PGBD2: variants seen among roughly 807,000 people sequenced by gnomAD.
The protein encoded by PGBD2 is piggyBac transposable element derived 2, also known as piggyBac transposable element-derived protein 2.
A neutral mutation model predicts 8.1 loss-of-function variants in PGBD2; 6 were observed. The observed-to-expected ratio is 0.74, with a 90% confidence interval of 0.40 to 1.46. The LOEUF is 1.46. PGBD2 is among the 40% of genes most tolerant of loss of function. The pLI, the probability that PGBD2 is intolerant of heterozygous loss-of-function variation, is 0.02. For synonymous variants in PGBD2, 318 were observed against 272.2 expected, an observed-to-expected ratio of 1.17 and a Z score of -1.66; for missense variants, 802 against 739.0, an observed-to-expected ratio of 1.09 and a Z score of -0.99.
intron 1 of PGBD2, among the ~76,000 whole-genome samples, chr1:248,907,501 A>C (rs115932493): frequency 5.1e-4 from 78 of 152,284 alleles, no homozygotes; most frequent in Non-Finnish European, 7.6e-4. Flanking sequence ...GGGGGACGGT[A>C]AGGTCTTTCT....
At chr1:248,911,104 G>A (rs1661854264) in intron 1 of PGBD2, among the ~76,000 whole-genome samples, 1 of 150,960 alleles carries the variant, frequency 6.6e-6, no homozygotes, top group South Asian at 2.1e-4. Flanking sequence ...ATTTTCTAGG[G>A]TTTTCTTTTC....
intron 1 of PGBD2, among the ~76,000 whole-genome samples, chr1:248,910,961 C>G (rs1661849856): frequency 6.6e-6 from 1 of 152,098 alleles, no homozygotes; most frequent in Non-Finnish European, 1.5e-5. Flanking sequence ...ACCACCACAA[C>G]CAAGATCCTG....
downstream of PGBD2, among the ~76,000 whole-genome samples, chr1:248,922,756 C>T (rs111634796): frequency 3.8e-3 from 582 of 152,218 alleles, 1 homozygote; most frequent in African/African-American, 0.013. Context: ...TGGTGGATTA[C>T]GTTTATTGAT....
In PGBD2 at chr1:248,917,772, T is replaced by G. The variant is rs753193826; in HGVS notation, c.1188T>G (p.Gly396=). 1 of 1,613,770 alleles carries G rather than the reference T, an allele frequency of 6.2e-7. No individual in the cohort carries two copies. The highest frequency in any genetic ancestry group is 8.5e-7 in the Non-Finnish European group (1 of 1,179,988). Residue 396 remains glycine (G), a synonymous_variant, in exon 3 of 3, where the codon GGT becomes GGG. Transcript: ENST00000329291. ...AAGAACTGAAAAAAATGAAGAGGGGTTCATTTGATTACAAAGTCGATGAGA... is the reference window on the plus strand; with the variant it reads ...AAGAACTGAAAAAAATGAAGAGGGGGTCATTTGATTACAAAGTCGATGAGA... ...DPKELKKMKR[G]SFDYKVDESE...
the PGBD2 span, among the ~76,000 whole-genome samples, chr1:248,878,998 C>T: frequency 1.3e-5 from 2 of 152,128 alleles, no homozygotes; most frequent in South Asian, 4.1e-4. Context: ...CATATTTCTC[C>T]AGGTTAGTTT....
chr1:248,888,842 G>A, the PGBD2 span, among the ~76,000 whole-genome samples: 1 of 151,972 alleles, frequency 6.6e-6, no homozygotes, highest in Non-Finnish European at 1.5e-5. Context: ...GTATTTCCTA[G>A]GTTTTCTTCT....
the PGBD2 span, among the ~76,000 whole-genome samples, chr1:248,894,998 T>C: frequency 6.6e-6 from 1 of 152,084 alleles, no homozygotes; most frequent in African/African-American, 2.4e-5. Flanking sequence ...AGAGATGGGA[T>C]CTTGCTATGT....
chr1:248,873,331 C>T, the PGBD2 span, among the ~76,000 whole-genome samples: 1 of 152,238 alleles, frequency 6.6e-6, no homozygotes, highest in Non-Finnish European at 1.5e-5. Context: ...ACCTCCCGAT[C>T]CGGCCGTTAT....
chr1:248,913,998 G>T (rs1662004532), intron 2 of PGBD2, 119 bp downstream of exon 2: 1 of 881,554 alleles, frequency 1.1e-6, no homozygotes, highest in Non-Finnish European at 1.9e-6. Context: ...TGTCCAGGAA[G>T]TATAAAGGAA....
the PGBD2 span, among the ~76,000 whole-genome samples, chr1:248,874,296 C>G: frequency 7.9e-5 from 12 of 152,238 alleles, no homozygotes; most frequent in South Asian, 8.3e-4. Context: ...CGCCGCGGCC[C>G]GGGTTCGATT....
At position 248,913,796 on chromosome 1, in the gene PGBD2, T is replaced by G. The variant is rs191344375; in HGVS notation, c.-47-20T>G. ...CTTAAGATACAATTTTTTTTTAAAT[T>G]GACTTTTCTTGTCTTACAGGTTCTT... On this transcript the variant is annotated intron_variant, in intron 1 of 2. Transcript: ENST00000329291. 2.0e-4 allele frequency: 258 copies of G among 1,313,702 alleles called. 1 individual carries two copies. In the East Asian group the frequency reaches 5.1e-3, roughly 26 times the overall value. 81.4% of individuals were successfully genotyped at this position (1,313,702 alleles called of 1,614,324 possible).
the PGBD2 span, among the ~76,000 whole-genome samples, chr1:248,895,182 A>G: frequency 1.3e-5 from 2 of 152,162 alleles, no homozygotes; most frequent in Admixed American, 1.3e-4. Flanking sequence ...TCAACCAACA[A>G]CAGGCCAATG....
chr1:248,903,070 C>T (rs1661562004), upstream of PGBD2, among the ~76,000 whole-genome samples: 1 of 152,102 alleles, frequency 6.6e-6, no homozygotes, highest in Non-Finnish European at 1.5e-5. Context: ...CCTATATTGC[C>T]CAGGCTGGTC....
chr1:248,887,152 C>T, the PGBD2 span, among the ~76,000 whole-genome samples: 1 of 152,128 alleles, frequency 6.6e-6, no homozygotes, highest in East Asian at 1.9e-4. Flanking sequence ...TATCCTAAGG[C>T]TAACATTTTA....
intron 1 of PGBD2, among the ~76,000 whole-genome samples, chr1:248,912,527 C>G (rs1276604228): frequency 6.6e-6 from 1 of 152,196 alleles, no homozygotes; most frequent in East Asian, 1.9e-4. Flanking sequence ...AAACAGTACT[C>G]TGCACTTAAG....
chr1:248,907,958 T>C (rs1661720991), intron 1 of PGBD2, among the ~76,000 whole-genome samples: 2 of 152,228 alleles, frequency 1.3e-5, no homozygotes, highest in African/African-American at 4.8e-5. Flanking sequence ...AAAATGTCTT[T>C]TGAATAATTT....
chr1:248,925,392 T>C, the PGBD2 span, among the ~76,000 whole-genome samples: 1,638 of 152,326 alleles, frequency 0.011, 39 homozygotes, highest in African/African-American at 0.038. Flanking sequence ...AACCCACATG[T>C]AATGCTATTG....
At chr1:248,880,206 A>G in the PGBD2 span, among the ~76,000 whole-genome samples, 2 of 151,350 alleles carry the variant, frequency 1.3e-5, no homozygotes, top group South Asian at 2.1e-4. Context: ...AGAAGACCTG[A>G]TTGACCCTCA....
rs777343545 is a variant in PGBD2, at chr1:248,917,791, G to A, written c.1207G>A (p.Asp403Asn). ...GAGGGGTTCATTTGATTACAAAGTC[G>A]ATGAGAGTGAGGAGATCATCGTGTG... ...MKRGSFDYKV[D>N]ESEEIIVCRW... The change falls in exon 3 of 3, where the codon GAT becomes AAT. Residue 403 changes from aspartate to asparagine, a missense_variant. Physicochemically the swap from Asp to Asn is conservative, Grantham distance 23. Coordinates refer to ENST00000329291, the MANE Select transcript of PGBD2 (RefSeq NM_170725.3). The A allele has an allele frequency of 3.7e-6, 6 of 1,614,076 alleles. No homozygotes were observed. Among genetic ancestry groups the A allele is most frequent in the African/African-American group, 2.7e-5 (2 of 74,926 alleles).
Sources: gnomAD v4.1 joint callset for allele counts (sites outside exome capture counted in the v4.1 genomes callset) on GRCh38, gnomAD v4.1.1 for gene constraint, MANE v1.5 for transcripts, NCBI Gene and HGNC (gene_info 2026-07-23, HGNC 2026-07-21) for gene names.